ERC2: variants seen among roughly 807,000 people sequenced by gnomAD.
ERC2 encodes ERC protein 2.
A neutral mutation model predicts 114.8 loss-of-function variants in ERC2; 42 were observed. The observed-to-expected ratio is 0.37, with a 90% CI of 0.29 to 0.47. The LOEUF (loss-of-function observed/expected upper bound fraction) is 0.47. ERC2 is among the 20% of genes least tolerant of loss of function. The probability of loss-of-function intolerance (pLI) is 0.99; values close to 1 mark genes in which losing one functional copy is unlikely to be tolerated. For synonymous variants in ERC2, 454 were observed against 425.5 expected (o/e 1.07, Z -0.82); for missense variants, 939 against 1,150.7 (o/e 0.82, Z 2.66).
intron 17 of ERC2, among the ~76,000 whole-genome samples, chr3:55,512,605 GT>G (rs1296394138): frequency 2.0e-5 from 3 of 152,106 alleles, no homozygotes; most frequent in African/African-American, 7.2e-5. Flanking sequence ...CCAGTCTTTT[GT>G]TTTGTTTTGT....
chr3:55,601,170 G>A (rs557111135), intron 17 of ERC2, among the ~76,000 whole-genome samples: 24 of 152,290 alleles, frequency 1.6e-4, no homozygotes, highest in East Asian at 5.8e-4. Context: ...AATATAGCTC[G>A]CTATAACCAG....
intron 6 of ERC2, among the ~76,000 whole-genome samples, chr3:56,084,925 A>G (rs2077427323): frequency 1.3e-5 from 2 of 152,040 alleles, no homozygotes; most frequent in Non-Finnish European, 1.5e-5. Flanking sequence ...AAAGAAAAAA[A>G]AAGTCAATAG....
intron 7 of ERC2, among the ~76,000 whole-genome samples, chr3:56,077,011 T>A (rs2077007643): frequency 6.6e-6 from 1 of 152,158 alleles, no homozygotes; most frequent in Non-Finnish European, 1.5e-5. Flanking sequence ...ATGTCTGACA[T>A]TGACATGAGC....
intron 2 of ERC2, among the ~76,000 whole-genome samples, chr3:56,391,442 G>A (rs555057626): frequency 6.6e-6 from 1 of 152,084 alleles, no homozygotes; most frequent in African/African-American, 2.4e-5. Flanking sequence ...TCAACTATGA[G>A]GTATTACCAC....
intron 4 of ERC2, among the ~76,000 whole-genome samples, chr3:56,159,925 T>C (rs1262548214): frequency 2.6e-5 from 4 of 152,196 alleles, no homozygotes; most frequent in African/African-American, 7.2e-5. Context: ...GGCACCTAGG[T>C]TGATTGCATG....
chr3:56,193,908 G>A (rs922373377), intron 3 of ERC2, among the ~76,000 whole-genome samples: 6 of 152,150 alleles, frequency 3.9e-5, no homozygotes, highest in African/African-American at 1.4e-4. Flanking sequence ...TATGTTTATG[G>A]TCCTATTTGG....
chr3:55,910,434 G>C (rs1006083055), intron 13 of ERC2, among the ~76,000 whole-genome samples: 48 of 151,692 alleles, frequency 3.2e-4, no homozygotes, highest in African/African-American at 1.1e-3. Context: ...CAAAACAAAA[G>C]AAAGCAAGAA....
At chr3:55,560,472 G>A (rs2107474752) in intron 17 of ERC2, among the ~76,000 whole-genome samples, 1 of 152,294 alleles carries the variant, frequency 6.6e-6, no homozygotes, top group East Asian at 1.9e-4. Flanking sequence ...ACTACCCAGA[G>A]AGAAACCACA....
intron 17 of ERC2, among the ~76,000 whole-genome samples, chr3:55,659,968 C>A (rs1436801890): frequency 2.0e-5 from 3 of 152,070 alleles, no homozygotes; most frequent in African/African-American, 4.8e-5. Context: ...ATTATACTAT[C>A]CTGAAATTGC....
At chr3:56,367,767 A>C (rs2059205133) in intron 2 of ERC2, among the ~76,000 whole-genome samples, 1 of 152,076 alleles carries the variant, frequency 6.6e-6, no homozygotes, top group African/African-American at 2.4e-5. Context: ...TGAATAGCAA[A>C]AGCTAATTGG....
chr3:56,465,268 G>A (rs1197941108), intron 1 of ERC2, among the ~76,000 whole-genome samples: 6 of 151,968 alleles, frequency 3.9e-5, no homozygotes, highest in African/African-American at 1.2e-4. Context: ...GCATGGTGGC[G>A]GGCACCTGTA....
intron 7 of ERC2, among the ~76,000 whole-genome samples, chr3:56,030,826 C>G (rs945241024): frequency 3.4e-4 from 52 of 152,146 alleles, no homozygotes; most frequent in African/African-American, 1.2e-3. Context: ...TAAGAAAAGA[C>G]TCAGTGAAGA....
At chr3:56,383,940 C>T (rs2059845508) in intron 2 of ERC2, among the ~76,000 whole-genome samples, 1 of 152,140 alleles carries the variant, frequency 6.6e-6, no homozygotes, top group Non-Finnish European at 1.5e-5. Context: ...CATTTAAGTG[C>T]AATCAAGCAA....
intron 17 of ERC2, among the ~76,000 whole-genome samples, chr3:55,626,866 C>T (rs2059541610): frequency 6.6e-6 from 1 of 152,234 alleles, no homozygotes; most frequent in South Asian, 2.1e-4. Context: ...ATTTCTGAGT[C>T]TCAGTTTCTA....
At chr3:55,940,399 C>A (rs2066713540) in intron 13 of ERC2, among the ~76,000 whole-genome samples, 1 of 152,070 alleles carries the variant, frequency 6.6e-6, no homozygotes, top group African/African-American at 2.4e-5. Context: ...AAGCTCAGGG[C>A]CCCACGGATG....
chr3:55,772,482 A>T (rs1235193751), intron 14 of ERC2, among the ~76,000 whole-genome samples: 4 of 152,002 alleles, frequency 2.6e-5, no homozygotes, highest in African/African-American at 4.8e-5. Context: ...GCCTGGCTAA[A>T]TTTTTTGTAT....
chr3:55,683,425 A>T (rs2062157188), intron 17 of ERC2, among the ~76,000 whole-genome samples: 1 of 152,222 alleles, frequency 6.6e-6, no homozygotes, highest in Admixed American at 6.5e-5. Context: ...TGGTGAAAGC[A>T]AGCAGTCGGC....
chr3:55,931,710 C>T (rs1037343448), intron 13 of ERC2, among the ~76,000 whole-genome samples: 2 of 151,716 alleles, frequency 1.3e-5, no homozygotes, highest in African/African-American at 4.8e-5. Flanking sequence ...ATGTAATAAA[C>T]CTGCATGTTC....
chr3:56,456,957 G>A (rs1056354236), intron 1 of ERC2, among the ~76,000 whole-genome samples: 13 of 151,640 alleles, frequency 8.6e-5, no homozygotes, highest in Admixed American at 7.9e-4. Context: ...AAATCATATC[G>A]AAGTAAAGTA....
Sources: allele counts gnomAD v4.1 joint callset (sites outside exome capture counted in the v4.1 genomes callset), GRCh38; gene constraint gnomAD v4.1.1; transcripts MANE v1.5; gene names NCBI Gene and HGNC (gene_info 2026-07-23, HGNC 2026-07-21).